The following ADA2 variants were observed in gnomAD, a reference collection of about 807,000 sequenced individuals.
ADA2 encodes the protein adenosine deaminase CECR1.
A neutral mutation model predicts 44.2 loss-of-function variants in ADA2; 29 were observed. That is an observed-to-expected ratio of 0.66 (90% CI 0.49 to 0.89). The LOEUF (loss-of-function observed/expected upper bound fraction) is 0.89, where lower values mean the gene tolerates loss of function less well. Among genes scored for constraint, ADA2 ranks in the 40% least tolerant of loss-of-function variants. The pLI, the probability that ADA2 is intolerant of heterozygous loss-of-function variation, is 0.00. For synonymous variants in ADA2, 215 were observed against 234.9 expected, an observed-to-expected ratio of 0.92 and a Z score of 0.77; for missense variants, 637 against 644.8, an observed-to-expected ratio of 0.99 and a Z score of 0.13.
intron 1 of ADA2, among the ~76,000 whole-genome samples, chr22:17,217,013 T>A (rs1174612871): frequency 6.6e-6 from 1 of 151,648 alleles, no homozygotes; most frequent in African/African-American, 2.4e-5. Flanking sequence ...CATAAAACAT[T>A]GTGTGTGTAA....
rs1204701449 is a variant in ADA2, at chr22:17,191,864, C to T, written c.754-54G>A. 17 of 1,558,954 alleles carry T rather than the reference C, an allele frequency of 1.1e-5. No individual in the cohort carries two copies. In the African/African-American group the frequency reaches 2.3e-4, roughly 21 times the overall value. ...CAGGTGAGCAGTGAGAGACGCCACC[C>T]CCTTCCCAGCCACCCCTGCCCAGCC... On this transcript the variant is annotated intron_variant, in intron 4 of 9. Transcript: ENST00000399837.
At chr22:17,191,851 G>A (rs760538757) in intron 4 of ADA2, 41 bp from the exon 5 acceptor site, 71 of 1,581,878 alleles carry the variant, frequency 4.5e-5, no homozygotes, top group Non-Finnish European at 6.0e-5. Flanking sequence ...GGTGAGCAGT[G>A]AGAGACGCCA....
At chr22:17,191,325 T>C (rs189692930) in intron 5 of ADA2, among the ~76,000 whole-genome samples, 1 of 152,260 alleles carries the variant, frequency 6.6e-6, no homozygotes, top group Admixed American at 6.5e-5. Context: ...CAGAGGCAAA[T>C]TGAAACCAAA....
chr22:17,193,138 G>T (rs1230131456), intron 4 of ADA2: 1 of 1,407,694 alleles, frequency 7.1e-7, no homozygotes, highest in South Asian at 1.2e-5. Context: ...AGAAGTTCCT[G>T]GTCCACAACA....
intron 4 of ADA2, among the ~76,000 whole-genome samples, chr22:17,199,064 C>A (rs1158537330): frequency 6.6e-6 from 1 of 152,164 alleles, no homozygotes; most frequent in African/African-American, 2.4e-5. Context: ...CTAGACTCTC[C>A]GTGGCAAAAG....
intron 4 of ADA2, chr22:17,199,796 T>C: frequency 7.1e-7 from 1 of 1,401,880 alleles, no homozygotes; most frequent in South Asian, 1.5e-5. Flanking sequence ...TAAGATGAAT[T>C]AATAGCTGGG....
At position 17,182,584 on chromosome 22, in the gene ADA2, G is replaced by A. The variant is rs1216158559; in HGVS notation, c.1239+20C>T. On this transcript the variant is annotated intron_variant, in intron 8 of 9. Coordinates refer to ENST00000399837, the MANE Select transcript of ADA2 (RefSeq NM_001282225.2). ...GGTTAGGGGAGATCATATGGGATTA[G>A]CCACATGGGTCACACATACCTGGTT... 1 of 1,613,172 alleles carries A rather than the reference G, an allele frequency of 6.2e-7. No individual in the cohort carries two copies. The highest frequency in any genetic ancestry group is 8.5e-7 in the Non-Finnish European group (1 of 1,179,160).
intron 4 of ADA2, chr22:17,199,440 T>TTCCCCTCCC: frequency 6.8e-6 from 7 of 1,027,924 alleles, no homozygotes; most frequent in Non-Finnish European, 7.7e-6. Flanking sequence ...CTCTATCCTC[T>TTCCCCTCCC]TCCCCTCCAC....
At chr22:17,216,060 A>ACG in intron 1 of ADA2, among the ~76,000 whole-genome samples, 1 of 151,130 alleles carries the variant, frequency 6.6e-6, no homozygotes, top group African/African-American at 2.4e-5. Context: ...GGTGGCGTGC[A>ACG]CCTGTAATCC....
chr22:17,211,015 G>A (rs963866687), intron 1 of ADA2, among the ~76,000 whole-genome samples: 2 of 152,110 alleles, frequency 1.3e-5, no homozygotes, highest in African/African-American at 4.8e-5. Flanking sequence ...CTGCACTCCA[G>A]CCTTGGCAAC....
chr22:17,216,003 A>G (rs1228173823), intron 1 of ADA2, among the ~76,000 whole-genome samples: 3 of 152,022 alleles, frequency 2.0e-5, no homozygotes, highest in Admixed American at 1.3e-4. Context: ...CCTGACCAAC[A>G]TGGTGAAACC....
chr22:17,204,794 C>CTT (rs535426763), intron 3 of ADA2, among the ~76,000 whole-genome samples: 2,477 of 132,888 alleles, frequency 0.019, 45 homozygotes, highest in African/African-American at 0.034. Context: ...TCAATTCCTT[C>CTT]TTTTTTTTTT....
rs561778450 is a variant in ADA2, at chr22:17,189,208, G to A, written c.972+734C>T. On this transcript the variant is annotated intron_variant, in intron 6 of 9. Coordinates refer to ENST00000399837, the MANE Select transcript of ADA2 (RefSeq NM_001282225.2). ...ATTTTTGTGTTTTTAGTAGAGATGC[G>A]GTTTCTCCATGTTGGCCAGGCTGGT... is the stretch of plus-strand genomic sequence containing the variant. 5.0e-4 allele frequency among the ~76,000 whole-genome samples: 76 copies of A among 151,838 alleles called. No homozygotes were observed. The East Asian group carries it at 0.012, about 23-fold the overall frequency.
intron 1 of ADA2, among the ~76,000 whole-genome samples, chr22:17,210,667 G>A (rs2062409593): frequency 6.6e-6 from 1 of 151,668 alleles, no homozygotes; most frequent in Non-Finnish European, 1.5e-5. Flanking sequence ...ACGTGATCTT[G>A]GCCCTCTACA....
At chr22:17,220,548 T>C (rs2062515653), upstream of ADA2, among the ~76,000 whole-genome samples, 1 of 152,146 alleles carries the variant, frequency 6.6e-6, no homozygotes, top group South Asian at 2.1e-4. Flanking sequence ...ATATTAGCCA[T>C]GACTATTCTT....
chr22:17,188,796 A>G (rs13053147), intron 6 of ADA2: 118,782 of 147,382 alleles, frequency 0.81, 48,352 homozygotes, highest in Non-Finnish European at 0.85. Context: ...GGAGAATGGC[A>G]TGAACCCAGG....
intron 1 of ADA2, among the ~76,000 whole-genome samples, chr22:17,217,534 A>G (rs1355289304): frequency 2.6e-5 from 4 of 152,172 alleles, no homozygotes. Flanking sequence ...TTTGAATTAC[A>G]TTTAAGAAGG....
chr22:17,199,309 A>C (rs2062239002), intron 4 of ADA2, among the ~76,000 whole-genome samples: 1 of 149,910 alleles, frequency 6.7e-6, no homozygotes, highest in Non-Finnish European at 1.5e-5. Context: ...ATGGAACAGG[A>C]AGCCAGTGCT....
chr22:17,205,373 C>A (rs111736973), intron 3 of ADA2, among the ~76,000 whole-genome samples: 1 of 152,022 alleles, frequency 6.6e-6, no homozygotes, highest in African/African-American at 2.4e-5. Context: ...CTCAGCCTCC[C>A]GAAGTGCTAG....
Sources: allele counts gnomAD v4.1 joint callset (sites outside exome capture counted in the v4.1 genomes callset), GRCh38; gene constraint gnomAD v4.1.1; transcripts MANE v1.5; gene names NCBI Gene and HGNC (gene_info 2026-07-23, HGNC 2026-07-21).